Variants in BCKDHB observed in about 807,000 individuals in gnomAD.
BCKDHB encodes branched chain keto acid dehydrogenase E1 subunit beta.
A neutral mutation model predicts 48.5 loss-of-function variants in BCKDHB; 41 were observed. The ratio of observed to expected loss-of-function variants is 0.85; its 90% CI spans 0.66 to 1.10. The LOEUF is 1.10. Ranked by LOEUF, BCKDHB falls within the 50% of genes least tolerant of loss-of-function variation. The pLI, the probability that BCKDHB is intolerant of heterozygous loss-of-function variation, is 0.00. For synonymous variants in BCKDHB, 201 were observed against 174.8 expected (o/e 1.15, Z -1.18); for missense variants, 496 against 494.2 (o/e 1.00, Z -0.03).
intron 5 of BCKDHB, chr6:80,169,684 G>C (rs1772794269): frequency 1.4e-6 from 1 of 735,046 alleles, no homozygotes; most frequent in Non-Finnish European, 2.0e-6. Context: ...AAGCTTTTCA[G>C]GGGATCATTG....
At chr6:80,317,663 CAT>C (rs1005688171) in intron 9 of BCKDHB, among the ~76,000 whole-genome samples, 24 of 152,162 alleles carry the variant, frequency 1.6e-4, no homozygotes, top group Admixed American at 7.9e-4. Flanking sequence ...TGTAAGGTAA[CAT>C]ATTCGTAGTT....
In BCKDHB at chr6:80,324,874, A is replaced by C. The variant is rs140585470; in HGVS notation, c.1039-18790A>C. ...ATTAGACCATTAAGGTCGTATTTCAACTAGTAACTGAGGCTGGGGGAATGG... is the reference window on the plus strand; with the variant it reads ...ATTAGACCATTAAGGTCGTATTTCACCTAGTAACTGAGGCTGGGGGAATGG... On this transcript the variant is annotated intron_variant, in intron 9 of 9. Coordinates refer to ENST00000320393, the MANE Select transcript of BCKDHB (RefSeq NM_183050.4). 1.8e-3 allele frequency among the ~76,000 whole-genome samples: 268 copies of C among 152,292 alleles called. 2 individuals carry two copies. The highest frequency in any genetic ancestry group is 6.2e-3 in the African/African-American group (257 of 41,560).
chr6:80,441,374 A>G, the BCKDHB span, among the ~76,000 whole-genome samples: 52 of 152,246 alleles, frequency 3.4e-4, no homozygotes, highest in African/African-American at 1.2e-3. Context: ...TTGGCTGCCA[A>G]ACTCTGGAGA....
At chr6:80,107,304 T>TTA (rs995670429) in intron 1 of BCKDHB, among the ~76,000 whole-genome samples, 56 of 128,874 alleles carry the variant, frequency 4.3e-4, no homozygotes, top group East Asian at 9.7e-4. Flanking sequence ...ATATATATGT[T>TTA]TATATATATA....
At chr6:80,229,268 C>T (rs1472231586) in intron 8 of BCKDHB, among the ~76,000 whole-genome samples, 2 of 152,074 alleles carry the variant, frequency 1.3e-5, no homozygotes, top group Non-Finnish European at 2.9e-5. Flanking sequence ...AATGAAGCAG[C>T]TTACAGAAAT....
rs561472134 is a variant in BCKDHB, at chr6:80,345,143, C to G, written c.*1339C>G. 1 of 152,228 alleles carries G rather than the reference C, an allele frequency of 6.6e-6. No homozygotes were observed. The highest frequency in any genetic ancestry group is 1.9e-4 in the East Asian group (1 of 5,178). 9.4% of individuals were successfully genotyped at this position (152,228 alleles called of 1,614,324 possible). ...AGCCCCTTCAGTGGTGTTATTCTAACAAAATGAATACATTACAAATTATTA... is the reference window on the plus strand; with the variant it reads ...AGCCCCTTCAGTGGTGTTATTCTAAGAAAATGAATACATTACAAATTATTA... On this transcript the variant is annotated 3_prime_UTR_variant, in exon 10 of 10. Coordinates refer to ENST00000320393, the MANE Select transcript of BCKDHB (RefSeq NM_183050.4).
chr6:80,219,026 T>C (rs1350229475), intron 8 of BCKDHB, among the ~76,000 whole-genome samples: 2 of 152,246 alleles, frequency 1.3e-5, no homozygotes, highest in East Asian at 3.9e-4. Flanking sequence ...TTTAAATTAG[T>C]GCATTAACTG....
the BCKDHB span, chr6:80,374,161 T>G: frequency 2.5e-5 from 18 of 716,880 alleles, no homozygotes; most frequent in African/African-American, 3.1e-4. Flanking sequence ...ATGTATGGGT[T>G]AATCCGACTA....
At chr6:80,425,209 C>T in the BCKDHB span, among the ~76,000 whole-genome samples, 150 of 152,232 alleles carry the variant, frequency 9.9e-4, 1 homozygote, top group Non-Finnish European at 1.5e-3. Flanking sequence ...GTGTAAGGGA[C>T]TTAACTAGGT....
At chr6:80,414,832 A>C in the BCKDHB span, among the ~76,000 whole-genome samples, 1 of 152,152 alleles carries the variant, frequency 6.6e-6, no homozygotes, top group African/African-American at 2.4e-5. Flanking sequence ...TTGAACCTTT[A>C]AATTGCTTTG....
At chr6:80,118,052 T>G (rs1004884714) in intron 1 of BCKDHB, among the ~76,000 whole-genome samples, 1 of 152,122 alleles carries the variant, frequency 6.6e-6, no homozygotes, top group African/African-American at 2.4e-5. Context: ...GGAGAGTCAG[T>G]GGGATGTCAC....
chr6:80,373,549 T>A, the BCKDHB span, among the ~76,000 whole-genome samples: 19 of 152,172 alleles, frequency 1.2e-4, no homozygotes, highest in Admixed American at 2.0e-4. Flanking sequence ...TTAGATTGTC[T>A]TTTTGTGCTC....
chr6:80,429,053 G>T, the BCKDHB span, among the ~76,000 whole-genome samples: 13 of 152,152 alleles, frequency 8.5e-5, no homozygotes, highest in Non-Finnish European at 1.6e-4. Context: ...TTTGTATAAG[G>T]TGTAAGGGAG....
the BCKDHB span, among the ~76,000 whole-genome samples, chr6:80,451,511 G>T: frequency 2.6e-5 from 4 of 152,196 alleles, no homozygotes; most frequent in Admixed American, 2.0e-4. Flanking sequence ...GCCTAGGCGG[G>T]TGGACCACTT....
At chr6:80,304,045 A>G (rs527997466) in intron 9 of BCKDHB, among the ~76,000 whole-genome samples, 1 of 152,316 alleles carries the variant, frequency 6.6e-6, no homozygotes, top group African/African-American at 2.4e-5. Flanking sequence ...GAAATAGTCT[A>G]TAATTTGCTG....
At chr6:80,161,400 A>G (rs1052468639) in intron 3 of BCKDHB, among the ~76,000 whole-genome samples, 10 of 152,232 alleles carry the variant, frequency 6.6e-5, no homozygotes, top group African/African-American at 2.2e-4. Flanking sequence ...AGCTGAGTAG[A>G]AAGTAGAAAA....
At chr6:80,315,471 GT>G (rs1562224648) in intron 9 of BCKDHB, among the ~76,000 whole-genome samples, 1 of 152,050 alleles carries the variant, frequency 6.6e-6, no homozygotes, top group Non-Finnish European at 1.5e-5. Flanking sequence ...TTCCTGATCA[GT>G]CCCAGTGCAA....
the BCKDHB span, among the ~76,000 whole-genome samples, chr6:80,362,452 C>G: frequency 6.6e-6 from 1 of 152,072 alleles, no homozygotes; most frequent in Non-Finnish European, 1.5e-5. Context: ...ACTGATTTTT[C>G]AGTCCTCCGG....
chr6:80,435,632 C>T, the BCKDHB span, among the ~76,000 whole-genome samples: 1 of 152,086 alleles, frequency 6.6e-6, no homozygotes, highest in South Asian at 2.1e-4. Flanking sequence ...TCCATTAAGA[C>T]ATAAAGTTCA....
Sources: allele counts gnomAD v4.1 joint callset (sites outside exome capture counted in the v4.1 genomes callset), GRCh38; gene constraint gnomAD v4.1.1; transcripts MANE v1.5; gene names NCBI Gene and HGNC (gene_info 2026-07-23, HGNC 2026-07-21).